NAALADL2: variants seen among roughly 807,000 people sequenced by gnomAD.
The protein encoded by NAALADL2 is inactive N-acetylated-alpha-linked acidic dipeptidase-like protein 2.
A neutral mutation model predicts 87.2 loss-of-function variants in NAALADL2; 76 were observed. The ratio of observed to expected loss-of-function variants is 0.87; its 90% CI spans 0.72 to 1.05. The LOEUF is 1.05. Ranked by LOEUF, NAALADL2 falls within the 50% of genes least tolerant of loss-of-function variation. The probability of loss-of-function intolerance (pLI) is 0.00; values close to 1 mark genes in which losing one functional copy is unlikely to be tolerated. For missense variants in NAALADL2, 1,089 were observed against 945.8 expected, an observed-to-expected ratio of 1.15 and a Z score of -1.99; for synonymous variants, 354 against 331.0, an observed-to-expected ratio of 1.07 and a Z score of -0.75.
chr3:175,745,657 C>G (rs985709049), intron 12 of NAALADL2, among the ~76,000 whole-genome samples: 1 of 152,126 alleles, frequency 6.6e-6, no homozygotes, highest in African/African-American at 2.4e-5. Flanking sequence ...TATTTTCAAT[C>G]TACAGTTGCT....
chr3:175,764,710 G>A (rs1297642742), intron 13 of NAALADL2, among the ~76,000 whole-genome samples: 1 of 152,048 alleles, frequency 6.6e-6, no homozygotes. Context: ...TTTATATTTA[G>A]GCAAGCAATG....
chr3:175,039,857 T>A (rs1006292895), intron 1 of NAALADL2, among the ~76,000 whole-genome samples: 8 of 152,220 alleles, frequency 5.3e-5, no homozygotes, highest in East Asian at 1.9e-4. Flanking sequence ...TTGTTTTTTT[T>A]ATTCATGTAT....
intron 2 of NAALADL2, among the ~76,000 whole-genome samples, chr3:174,621,659 AC>A (rs1721008767): frequency 6.6e-6 from 1 of 152,108 alleles, no homozygotes; most frequent in Non-Finnish European, 1.5e-5. Flanking sequence ...TAGAAATACA[AC>A]CTTAAACTTG....
intron 3 of NAALADL2, among the ~76,000 whole-genome samples, chr3:175,243,187 T>C (rs956411435): frequency 4.6e-5 from 7 of 151,726 alleles, no homozygotes; most frequent in Admixed American, 1.3e-4. Context: ...TATCTGCTTT[T>C]AGAGAGACTT....
At chr3:174,956,075 G>C (rs73047091) in intron 1 of NAALADL2, among the ~76,000 whole-genome samples, 11,921 of 152,038 alleles carry the variant, frequency 0.078, 762 homozygotes, top group East Asian at 0.35. Context: ...AAAAACACTA[G>C]GTTGTTAATT....
At chr3:175,257,720 T>C (rs1750249160) in intron 4 of NAALADL2, among the ~76,000 whole-genome samples, 1 of 152,070 alleles carries the variant, frequency 6.6e-6, no homozygotes, top group Non-Finnish European at 1.5e-5. Context: ...GAATATGCTA[T>C]AACAATTTGA....
At chr3:175,707,666 A>G (rs1739911489) in intron 11 of NAALADL2, among the ~76,000 whole-genome samples, 1 of 152,232 alleles carries the variant, frequency 6.6e-6, no homozygotes, top group South Asian at 2.1e-4. Context: ...AAATACGTTT[A>G]TAGAGATATT....
chr3:175,618,508 A>G (rs1421029167), intron 10 of NAALADL2, among the ~76,000 whole-genome samples: 1 of 152,144 alleles, frequency 6.6e-6, no homozygotes, highest in Admixed American at 6.5e-5. Context: ...AAAGGAATAT[A>G]AAGCATTTTT....
At chr3:174,624,409 A>G (rs185410451) in intron 2 of NAALADL2, among the ~76,000 whole-genome samples, 1 of 152,102 alleles carries the variant, frequency 6.6e-6, no homozygotes, top group Non-Finnish European at 1.5e-5. Context: ...GGATCATTTG[A>G]GGTTAGGAGT....
In NAALADL2 at chr3:175,331,008, A is replaced by G. The variant is rs564815063; in HGVS notation, c.1090+6683A>G. Reference sequence around the variant, plus strand: ...ATAAATACAAAAGATCAGGGGGACTATTATGAACAACTATACACTAACAAT... The same window carrying G: ...ATAAATACAAAAGATCAGGGGGACTGTTATGAACAACTATACACTAACAAT... On this transcript the variant is annotated intron_variant, in intron 5 of 13. Transcript: ENST00000454872. 3.3e-5 allele frequency among the ~76,000 whole-genome samples: 5 copies of G among 152,318 alleles called. No homozygotes were observed. In the South Asian group the frequency reaches 8.3e-4, roughly 25 times the overall value.
intron 5 of NAALADL2, among the ~76,000 whole-genome samples, chr3:175,368,068 G>A (rs554140757): frequency 0.014 from 2,158 of 152,098 alleles, 52 homozygotes; most frequent in African/African-American, 0.05. Flanking sequence ...AGCATGAAGC[G>A]TTGTTGAATT....
At chr3:175,790,650 G>A (rs1210289970) in intron 13 of NAALADL2, among the ~76,000 whole-genome samples, 1 of 152,072 alleles carries the variant, frequency 6.6e-6, no homozygotes, top group Non-Finnish European at 1.5e-5. Context: ...ATAGGCACTT[G>A]CAATGCAGAT....
Position 175,096,944 on chromosome 3 carries a change from A to G in NAALADL2, c.198A>G (p.Leu66=). ...AGTCTGGTTTTGACCAATTCCAGCTAGACGGTGCTGAGAATCAGAACCTAG... is the reference window on the plus strand; with the variant it reads ...AGTCTGGTTTTGACCAATTCCAGCTGGACGGTGCTGAGAATCAGAACCTAG... ...LEESGFDQFQ[L]DGAENQNLGH... The change falls in exon 2 of 14, where the codon CTA becomes CTG. Residue 66 remains leucine, a synonymous_variant. Coordinates refer to ENST00000454872, the MANE Select transcript of NAALADL2 (RefSeq NM_207015.3). 4 of 1,613,436 alleles carry G rather than the reference A, an allele frequency of 2.5e-6. No homozygotes were observed. Among genetic ancestry groups the G allele is most frequent in the Admixed American group, 1.7e-5 (1 of 59,850 alleles).
chr3:175,558,047 T>G (rs1471634737), intron 9 of NAALADL2, among the ~76,000 whole-genome samples: 1 of 150,828 alleles, frequency 6.6e-6, no homozygotes, highest in Non-Finnish European at 1.5e-5. Flanking sequence ...ACAAAAAACT[T>G]AGCCGGGCGT....
intron 10 of NAALADL2, among the ~76,000 whole-genome samples, chr3:175,596,628 A>T (rs1722277350): frequency 6.6e-6 from 1 of 151,942 alleles, no homozygotes; most frequent in Non-Finnish European, 1.5e-5. Context: ...GCTCTCCAGT[A>T]ACATGGCAGG....
intron 3 of NAALADL2, among the ~76,000 whole-genome samples, chr3:174,808,292 A>G (rs533288224): frequency 8.5e-5 from 13 of 152,228 alleles, no homozygotes; most frequent in Non-Finnish European, 1.6e-4. Context: ...AGGCCTCCCT[A>G]TATCCAATTA....
intron 3 of NAALADL2, among the ~76,000 whole-genome samples, chr3:174,747,217 TAAAC>T (rs1419636286): frequency 6.6e-6 from 1 of 151,904 alleles, no homozygotes; most frequent in Admixed American, 6.6e-5. Flanking sequence ...ACAAGGAACT[TAAAC>T]AAATTTACAA....
chr3:175,118,497 T>C (rs1725637593), intron 2 of NAALADL2, among the ~76,000 whole-genome samples: 2 of 151,682 alleles, frequency 1.3e-5, no homozygotes, highest in South Asian at 4.1e-4. Context: ...ATGATGTGCT[T>C]TAATGAGAAC....
At chr3:175,470,807 T>G (rs1355859919) in intron 8 of NAALADL2, among the ~76,000 whole-genome samples, 7 of 152,142 alleles carry the variant, frequency 4.6e-5, no homozygotes, top group Non-Finnish European at 1.0e-4. Context: ...TGGTGTAGCT[T>G]GTGTGCATGA....
Sources: allele counts gnomAD v4.1 joint callset (sites outside exome capture counted in the v4.1 genomes callset), GRCh38; gene constraint gnomAD v4.1.1; transcripts MANE v1.5; gene names NCBI Gene and HGNC (gene_info 2026-07-23, HGNC 2026-07-21).